Variants in TFAP2B observed in about 807,000 individuals in gnomAD.
TFAP2B encodes transcription factor AP-2 beta, also known as transcription factor AP-2-beta.
A neutral mutation model predicts 44.3 loss-of-function variants in TFAP2B; 9 were observed. The ratio of observed to expected loss-of-function variants is 0.20; its 90% CI spans 0.12 to 0.35. The LOEUF (loss-of-function observed/expected upper bound fraction) is 0.35. TFAP2B is among the 10% of genes least tolerant of loss of function. The pLI, the probability that TFAP2B is intolerant of heterozygous loss-of-function variation, is 1.00. For synonymous variants in TFAP2B, 270 were observed against 263.8 expected (o/e 1.02, Z -0.23); for missense variants, 509 against 600.0 (o/e 0.85, Z 1.59).
chr6:50,824,069 A>G (rs1455060025), intron 2 of TFAP2B, among the ~76,000 whole-genome samples: 1 of 152,198 alleles, frequency 6.6e-6, no homozygotes, highest in African/African-American at 2.4e-5. Context: ...AGGTCTAATT[A>G]TGATCATCCA....
chr6:50,833,751 G>A (rs1047453884), intron 3 of TFAP2B, among the ~76,000 whole-genome samples: 6 of 150,840 alleles, frequency 4.0e-5, no homozygotes, highest in African/African-American at 1.2e-4. Flanking sequence ...TTAAAGGCCC[G>A]GCTTTTCCAG....
upstream of TFAP2B, chr6:50,818,766 G>A (rs1258787088): frequency 2.5e-6 from 2 of 799,196 alleles, no homozygotes; most frequent in Non-Finnish European, 4.2e-6. Flanking sequence ...TATTGTTTGA[G>A]ACAACAGATA....
At chr6:50,828,916 T>G (rs1372992990) in intron 3 of TFAP2B, among the ~76,000 whole-genome samples, 1 of 152,206 alleles carries the variant, frequency 6.6e-6, no homozygotes, top group Non-Finnish European at 1.5e-5. Flanking sequence ...GTTGCAATTT[T>G]TCTCATGGCA....
Position 50,840,164 on chromosome 6 carries a change from G to C in TFAP2B, c.949G>C (p.Val317Leu), listed in dbSNP as rs938645504. 6.2e-7 allele frequency: 1 copy of C among 1,614,080 alleles called. No individual in the cohort carries two copies. Among genetic ancestry groups the C allele is most frequent in the Non-Finnish European group, 8.5e-7 (1 of 1,180,040 alleles). Residue 317 changes from valine to leucine, a missense_variant, in exon 6 of 7, where the codon GTT (valine) becomes CTT (leucine). Around this residue, in one of 3 missense-constraint regions of TFAP2B, gnomAD observed 45 missense variants for 108.6 expected, o/e 0.41. Coordinates refer to ENST00000393655, the MANE Select transcript of TFAP2B (RefSeq NM_003221.4). ...ACTGCTGTCTTTTTCAGGAGAAGCTGTTCACTTAGCTAGGGATTTTGGGTA... is the reference window on the plus strand; with the variant it reads ...ACTGCTGTCTTTTTCAGGAGAAGCTCTTCACTTAGCTAGGGATTTTGGGTA... ...LLTSLVEGEA[V>L]HLARDFGYIC...
At chr6:50,831,638 A>C (rs1770681638) in intron 3 of TFAP2B, among the ~76,000 whole-genome samples, 1 of 145,962 alleles carries the variant, frequency 6.9e-6, no homozygotes, top group South Asian at 2.2e-4. Context: ...CTTAACTCTC[A>C]GTTCCATTAA....
chr6:50,829,348 A>C (rs1169254994), intron 3 of TFAP2B, among the ~76,000 whole-genome samples: 1 of 152,234 alleles, frequency 6.6e-6, no homozygotes, highest in Non-Finnish European at 1.5e-5. Context: ...TAAGCAAAAT[A>C]ATTAACTAAT....
chr6:50,819,923 G>A (rs1480706473), intron 1 of TFAP2B, among the ~76,000 whole-genome samples: 1 of 152,110 alleles, frequency 6.6e-6, no homozygotes, highest in Non-Finnish European at 1.5e-5. Flanking sequence ...CCAGGCTGGG[G>A]ACCGGGAAGC....
At chr6:50,825,406 A>G (rs1770475505) in intron 2 of TFAP2B, among the ~76,000 whole-genome samples, 1 of 152,132 alleles carries the variant, frequency 6.6e-6, no homozygotes, top group Non-Finnish European at 1.5e-5. Context: ...TCAACTCATC[A>G]CCATTACTGT....
At position 50,838,112 on chromosome 6, in the gene TFAP2B, C is replaced by T. The variant is rs1183311980; in HGVS notation, c.940+19C>T. On this transcript the variant is annotated intron_variant, in intron 5 of 6. Transcript: ENST00000393655. ...GTGGAAGGTAAGCAAGACGTGTGGC[C>T]ATTTCACGAAGTGGCTGAGCTTAAC... is the stretch of plus-strand genomic sequence containing the variant. 2 of 1,583,270 alleles carry T rather than the reference C, an allele frequency of 1.3e-6. No homozygotes were observed. The highest frequency in any genetic ancestry group is 2.7e-5 in the African/African-American group (2 of 74,326).
intron 2 of TFAP2B, among the ~76,000 whole-genome samples, chr6:50,827,513 T>C (rs555587199): frequency 6.6e-6 from 1 of 152,294 alleles, no homozygotes; most frequent in East Asian, 1.9e-4. Flanking sequence ...ACAGTCTTTT[T>C]CTTGTGATGA....
At chr6:50,833,887 A>T (rs184194268) in intron 3 of TFAP2B, among the ~76,000 whole-genome samples, 1,596 of 152,310 alleles carry the variant, frequency 0.01, 22 homozygotes, top group African/African-American at 0.036. Context: ...GTTGTTATTT[A>T]AAAAAATATT....
chr6:50,822,998 A>T (rs1274428418), intron 1 of TFAP2B, among the ~76,000 whole-genome samples: 1 of 152,192 alleles, frequency 6.6e-6, no homozygotes, highest in Non-Finnish European at 1.5e-5. Flanking sequence ...AAAGTAGTTA[A>T]AAACACCCAG....
chr6:50,843,043 G>T, intron 6 of TFAP2B, 49 bp from the exon 7 acceptor site: 1 of 1,612,598 alleles, frequency 6.2e-7, no homozygotes. Context: ...TAATGCCAAT[G>T]ACAACGACAC....
In TFAP2B at chr6:50,839,464, T is replaced by G. The variant is rs142491002; in HGVS notation, c.941-692T>G. Among the ~76,000 whole-genome samples the G allele has an allele frequency of 3.2e-3, 492 of 152,322 alleles. 5 individuals carry two copies. Among genetic ancestry groups the G allele is most frequent in the African/African-American group, 0.011 (447 of 41,562 alleles). Reference sequence around the variant, plus strand: ...GTTTAAAGGGTAATAATGCTTTACTTGAAAGGGGCTTTCACATAAGCTGAG... The same window carrying G: ...GTTTAAAGGGTAATAATGCTTTACTGGAAAGGGGCTTTCACATAAGCTGAG... On this transcript the variant is annotated intron_variant, in intron 5 of 6. Coordinates refer to ENST00000393655, the MANE Select transcript of TFAP2B (RefSeq NM_003221.4).
At chr6:50,840,019 G>C in intron 5 of TFAP2B, 137 bp from the exon 6 acceptor site, 4 of 1,118,098 alleles carry the variant, frequency 3.6e-6, no homozygotes, top group Non-Finnish European at 5.4e-6. Context: ...TTTCCTTTAG[G>C]CATCTCTCAC....
intron 2 of TFAP2B, among the ~76,000 whole-genome samples, chr6:50,826,226 A>G (rs1770499967): frequency 1.3e-5 from 2 of 152,120 alleles, no homozygotes; most frequent in African/African-American, 4.8e-5. Flanking sequence ...AGGACCAGAG[A>G]GTGCCTAGGC....
At chr6:50,828,174 T>A (rs746738796) in intron 2 of TFAP2B, among the ~76,000 whole-genome samples, 1 of 152,218 alleles carries the variant, frequency 6.6e-6, no homozygotes, top group African/African-American at 2.4e-5. Context: ...GCTCAGACTT[T>A]AATTAAAATC....
chr6:50,833,275 G>A (rs980614829), intron 3 of TFAP2B, among the ~76,000 whole-genome samples: 1 of 152,138 alleles, frequency 6.6e-6, no homozygotes, highest in Non-Finnish European at 1.5e-5. Flanking sequence ...AGTAAAATAT[G>A]GGGTTAATCA....
At chr6:50,838,594 A>G (rs1050936599) in intron 5 of TFAP2B, among the ~76,000 whole-genome samples, 5 of 152,146 alleles carry the variant, frequency 3.3e-5, no homozygotes, top group African/African-American at 4.8e-5. Flanking sequence ...AGTAAGGCCA[A>G]TGATAGCTAG....
Sources: gnomAD v4.1 joint callset for allele counts (sites outside exome capture counted in the v4.1 genomes callset) on GRCh38, gnomAD v4.1.1 for gene constraint, gnomAD v4.1.1 regional missense constraint, MANE v1.5 for transcripts, NCBI Gene and HGNC (gene_info 2026-07-23, HGNC 2026-07-21) for gene names.